Variants in TRIO observed in about 807,000 individuals in gnomAD.
TRIO encodes the protein triple functional domain protein.
Under a neutral mutation model 351.9 loss-of-function variants are expected in TRIO, and 58 were observed. The ratio of observed to expected loss-of-function variants is 0.16; its 90% CI spans 0.13 to 0.21. TRIO has a LOEUF of 0.21. Ranked by LOEUF, TRIO falls within the 10% of genes least tolerant of loss-of-function variation. The pLI, the probability that TRIO is intolerant of heterozygous loss-of-function variation, is 1.00. For missense variants in TRIO, 3,201 were observed against 4,027.8 expected, an observed-to-expected ratio of 0.79 and a Z score of 5.56; for synonymous variants, 1,758 against 1,595.7, an observed-to-expected ratio of 1.10 and a Z score of -2.42.
chr5:14,341,524 G>A (rs1487084205), intron 11 of TRIO, among the ~76,000 whole-genome samples: 1 of 152,198 alleles, frequency 6.6e-6, no homozygotes, highest in Non-Finnish European at 1.5e-5. Context: ...GTGAAAGCCT[G>A]TGAAATAAGT....
chr5:14,390,892 G>C lies in TRIO; in HGVS notation c.4129-9G>C. 1 of 1,536,496 alleles carries C rather than the reference G, an allele frequency of 6.5e-7. No homozygotes were observed. The highest frequency in any genetic ancestry group is 8.8e-7 in the Non-Finnish European group (1 of 1,141,838). ...ATTTAAATGAGATCTTTTTTTTTTT[G>C]GCTTACAGGCAGACAAGTTTCAGAT... On this transcript the variant is annotated splice_polypyrimidine_tract_variant and intron_variant, in intron 26 of 56. Coordinates refer to ENST00000344204, the MANE Select transcript of TRIO (RefSeq NM_007118.4).
At chr5:14,255,687 A>G (rs918040109) in intron 1 of TRIO, among the ~76,000 whole-genome samples, 25 of 152,262 alleles carry the variant, frequency 1.6e-4, no homozygotes, top group African/African-American at 6.0e-4. Context: ...TGTGTTTTGT[A>G]TATACCTTAT....
At chr5:14,478,761 G>A (rs1755287051) in intron 41 of TRIO, among the ~76,000 whole-genome samples, 2 of 146,674 alleles carry the variant, frequency 1.4e-5, no homozygotes, top group Non-Finnish European at 3.0e-5. Context: ...ACCAGGCTGG[G>A]TGAAAAAGCA....
chr5:14,355,216 A>G (rs1743508190), intron 11 of TRIO, among the ~76,000 whole-genome samples: 1 of 152,210 alleles, frequency 6.6e-6, no homozygotes, highest in African/African-American at 2.4e-5. Context: ...GTTTTTGATT[A>G]AATATTTTGA....
At position 14,419,936 on chromosome 5, in the gene TRIO, G is replaced by A. The variant is rs142149078; in HGVS notation, c.5118G>A (p.Ala1706=). 5.6e-5 allele frequency: 91 copies of A among 1,614,218 alleles called. No individual in the cohort carries two copies. The highest frequency in any genetic ancestry group is 5.1e-4 in the African/African-American group (38 of 75,070). The stretch of plus-strand genomic sequence containing the variant: ...TGCGGACAACTGACCGCTCCCCAGC[G>A]GCAGAAGGCCTGGTCCCCTGTGGTT... The part of the protein sequence containing the change: ...CLVRTTDRSP[A]AEGLVPCGSL... The change falls in exon 34 of 57, where the codon GCG becomes GCA. Residue 1706 remains alanine (A), a synonymous_variant. Coordinates refer to ENST00000344204, the MANE Select transcript of TRIO (RefSeq NM_007118.4).
chr5:14,501,035 T>C (rs1294948003), intron 53 of TRIO, among the ~76,000 whole-genome samples: 7 of 151,112 alleles, frequency 4.6e-5, no homozygotes, highest in Non-Finnish European at 8.8e-5. Flanking sequence ...TCCACTTTTC[T>C]GTATATATGT....
At chr5:14,360,490 C>T (rs116515553) in intron 13 of TRIO, among the ~76,000 whole-genome samples, 464 of 152,318 alleles carry the variant, frequency 3.0e-3, no homozygotes, top group African/African-American at 0.011. Flanking sequence ...CTCTGGGCTG[C>T]CCTGTGGGTC....
intron 34 of TRIO, among the ~76,000 whole-genome samples, chr5:14,435,663 C>T (rs899893970): frequency 4.6e-5 from 7 of 152,332 alleles, no homozygotes; most frequent in Non-Finnish European, 8.8e-5. Context: ...TGTCCCTCTG[C>T]CATTCTTTAC....
intron 3 of TRIO, among the ~76,000 whole-genome samples, chr5:14,285,925 C>T (rs977195983): frequency 2.0e-5 from 3 of 152,148 alleles, no homozygotes; most frequent in Admixed American, 6.5e-5. Context: ...TAGGGCCATT[C>T]GGAAGCTTCT....
chr5:14,161,248 C>G (rs1422470229), intron 1 of TRIO, among the ~76,000 whole-genome samples: 1 of 152,162 alleles, frequency 6.6e-6, no homozygotes, highest in Non-Finnish European at 1.5e-5. Flanking sequence ...TCCTTTGTAG[C>G]TGGGCAGACC....
At chr5:14,416,356 T>C (rs1749642935) in intron 33 of TRIO, among the ~76,000 whole-genome samples, 1 of 151,736 alleles carries the variant, frequency 6.6e-6, no homozygotes, top group African/African-American at 2.4e-5. Flanking sequence ...AAGTTAAAAA[T>C]ATTCAAATGT....
chr5:14,463,179 C>T (rs899900869), intron 36 of TRIO, among the ~76,000 whole-genome samples: 4 of 152,228 alleles, frequency 2.6e-5, no homozygotes, highest in Admixed American at 2.0e-4. Context: ...TTTAATGATG[C>T]TTCAGTAATT....
At chr5:14,307,351 G>A (rs1738467392) in intron 8 of TRIO, among the ~76,000 whole-genome samples, 1 of 152,138 alleles carries the variant, frequency 6.6e-6, no homozygotes. Flanking sequence ...AGCAATGTGC[G>A]CTACATTTAA....
intron 1 of TRIO, among the ~76,000 whole-genome samples, chr5:14,266,329 C>G (rs1581483726): frequency 6.6e-6 from 1 of 152,244 alleles, no homozygotes; most frequent in African/African-American, 2.4e-5. Flanking sequence ...CCCCCTTCAT[C>G]CATCTTTCTA....
At chr5:14,421,236 ATTTT>A (rs1561471126) in intron 34 of TRIO, among the ~76,000 whole-genome samples, 1 of 120,062 alleles carries the variant, frequency 8.3e-6, no homozygotes, top group Non-Finnish European at 1.9e-5. Flanking sequence ...TATTTATTTT[ATTTT>A]ATTTTATTTT....
At chr5:14,351,990 A>T (rs1372187339) in intron 11 of TRIO, among the ~76,000 whole-genome samples, 1 of 152,152 alleles carries the variant, frequency 6.6e-6, no homozygotes, top group Non-Finnish European at 1.5e-5. Context: ...TTCATCTCAA[A>T]AGCTAGCTTT....
chr5:14,312,741 A>G (rs935729910), intron 8 of TRIO, among the ~76,000 whole-genome samples: 1 of 152,254 alleles, frequency 6.6e-6, no homozygotes, highest in African/African-American at 2.4e-5. Flanking sequence ...ACTACATGCC[A>G]TAAACTTACA....
intron 33 of TRIO, among the ~76,000 whole-genome samples, chr5:14,413,675 A>G (rs1229015056): frequency 6.6e-6 from 1 of 152,238 alleles, no homozygotes; most frequent in Non-Finnish European, 1.5e-5. Flanking sequence ...ACCAAATCAG[A>G]AAAACAAAAT....
chr5:14,149,631 G>T (rs1024230910), intron 1 of TRIO, among the ~76,000 whole-genome samples: 7 of 152,224 alleles, frequency 4.6e-5, no homozygotes, highest in African/African-American at 1.7e-4. Context: ...GATGGCAGAG[G>T]GGCTGTGGAA....
Sources: gnomAD v4.1 joint callset for allele counts (sites outside exome capture counted in the v4.1 genomes callset) on GRCh38, gnomAD v4.1.1 for gene constraint, MANE v1.5 for transcripts, NCBI Gene and HGNC (gene_info 2026-07-23, HGNC 2026-07-21) for gene names.